MGLL: variants seen among roughly 807,000 people sequenced by gnomAD.
MGLL encodes the protein monoglyceride lipase, also known as lysophospholipase homolog.
In MGLL, 7 loss-of-function variants were observed where a neutral mutation model predicts 29.1. The ratio of observed to expected loss-of-function variants is 0.24; its 90% CI spans 0.14 to 0.45. The LOEUF (loss-of-function observed/expected upper bound fraction) is 0.45. Among genes scored for constraint, MGLL ranks in the 20% least tolerant of loss-of-function variants. The probability of loss-of-function intolerance (pLI) is 0.99; values close to 1 mark genes in which losing one functional copy is unlikely to be tolerated. For synonymous variants in MGLL, 148 were observed against 168.3 expected (o/e 0.88, Z 0.93); for missense variants, 356 against 413.6 (o/e 0.86, Z 1.21).
intron 2 of MGLL, among the ~76,000 whole-genome samples, chr3:127,801,744 T>C (rs960660727): frequency 6.7e-6 from 1 of 149,522 alleles, no homozygotes; most frequent in Non-Finnish European, 1.5e-5. Context: ...AAAATATATA[T>C]GTATATGTTA....
chr3:127,803,763 A>T (rs528982626), intron 2 of MGLL, among the ~76,000 whole-genome samples: 1 of 152,320 alleles, frequency 6.6e-6, no homozygotes, highest in East Asian at 1.9e-4. Context: ...ACAGCATGAA[A>T]TGCCATCACC....
chr3:127,704,654 C>T (rs1203777654), intron 6 of MGLL, among the ~76,000 whole-genome samples: 1 of 152,082 alleles, frequency 6.6e-6, no homozygotes, highest in East Asian at 1.9e-4. Flanking sequence ...TCAACATCAC[C>T]GATCATCAGA....
intron 2 of MGLL, among the ~76,000 whole-genome samples, chr3:127,805,853 G>A (rs1167374859): frequency 6.6e-6 from 1 of 152,242 alleles, no homozygotes; most frequent in Non-Finnish European, 1.5e-5. Flanking sequence ...CAACGTGTCA[G>A]ACAAAGGTTT....
At chr3:127,740,031 A>C (rs546816598) in intron 3 of MGLL, among the ~76,000 whole-genome samples, 1 of 152,276 alleles carries the variant, frequency 6.6e-6, no homozygotes, top group South Asian at 2.1e-4. Flanking sequence ...GGCAGCTCTG[A>C]GTGGGGAAGC....
In MGLL at chr3:127,706,141, G is replaced by A. The variant is rs1015866535; in HGVS notation, c.600+4435C>T. Among the ~76,000 whole-genome samples the A allele has an allele frequency of 8.5e-5, 13 of 152,248 alleles. No individual in the cohort carries two copies. In the East Asian group the frequency reaches 1.2e-3, roughly 14 times the overall value. Reference sequence around the variant, plus strand: ...AGGGTCTGGAGTAGATATCTGCACCGCCACGGGCACAGCAGCGTTATTCAC... The same window carrying A: ...AGGGTCTGGAGTAGATATCTGCACCACCACGGGCACAGCAGCGTTATTCAC... On this transcript the variant is annotated intron_variant, in intron 6 of 7. Transcript: ENST00000265052.
chr3:127,821,232 C>T (rs570591890), intron 2 of MGLL, among the ~76,000 whole-genome samples: 1 of 152,176 alleles, frequency 6.6e-6, no homozygotes, highest in Admixed American at 6.5e-5. Context: ...AAGGAAATAC[C>T]CAGGCCCCTT....
At chr3:127,707,395 C>G (rs766484914) in intron 6 of MGLL, among the ~76,000 whole-genome samples, 1 of 152,218 alleles carries the variant, frequency 6.6e-6, no homozygotes, top group African/African-American at 2.4e-5. Flanking sequence ...TTTAGAATCA[C>G]GTTCAAGGCT....
chr3:127,773,085 C>T (rs2076975937), intron 3 of MGLL, among the ~76,000 whole-genome samples: 1 of 152,240 alleles, frequency 6.6e-6, no homozygotes, highest in Non-Finnish European at 1.5e-5. Context: ...AGCTGGGCTC[C>T]AGCCTGGGCT....
chr3:127,732,871 C>T (rs1263455262), intron 3 of MGLL, among the ~76,000 whole-genome samples: 1 of 152,166 alleles, frequency 6.6e-6, no homozygotes, highest in Non-Finnish European at 1.5e-5. Flanking sequence ...GACACCATGA[C>T]TGGGTCTCAG....
chr3:127,733,392 C>T (rs1011654942), intron 3 of MGLL, among the ~76,000 whole-genome samples: 4 of 152,234 alleles, frequency 2.6e-5, no homozygotes, highest in Non-Finnish European at 5.9e-5. Context: ...TCTTTCATTC[C>T]TCTACTTTCC....
At chr3:127,800,812 T>G (rs916727020) in intron 2 of MGLL, among the ~76,000 whole-genome samples, 1 of 152,228 alleles carries the variant, frequency 6.6e-6, no homozygotes, top group East Asian at 1.9e-4. Flanking sequence ...TCAGAGCATG[T>G]GCTTCACCCC....
At chr3:127,822,212 A>G in intron 1 of MGLL, 97 bp downstream of exon 1, 1 of 1,405,122 alleles carries the variant, frequency 7.1e-7, no homozygotes, top group South Asian at 1.2e-5. Flanking sequence ...CATCTATCTT[A>G]AAATCTCCAA....
At chr3:127,726,185 A>AAAGAAAGAAAGAAAGAAAGAAAG (rs61500053) in intron 3 of MGLL, among the ~76,000 whole-genome samples, 4 of 66,556 alleles carry the variant, frequency 6.0e-5, no homozygotes, top group Admixed American at 4.9e-4. Context: ...AGAAAGAAAG[A>AAAGAAAGAAAGAAAGAAAGAAAG]AAAGAAAAGA....
chr3:127,815,809 G>A (rs1474358766), intron 2 of MGLL, among the ~76,000 whole-genome samples: 2 of 152,336 alleles, frequency 1.3e-5, no homozygotes, highest in East Asian at 3.9e-4. Context: ...CTGCCTCTAG[G>A]TCCTGGCTGC....
intron 2 of MGLL, among the ~76,000 whole-genome samples, chr3:127,803,107 G>A (rs1277747214): frequency 6.6e-6 from 1 of 152,028 alleles, no homozygotes; most frequent in Admixed American, 6.5e-5. Context: ...AGCCTCCTGA[G>A]TAGCTGGGAT....
At position 127,781,851 on chromosome 3, in the gene MGLL, C is replaced by T. The variant is rs1485205623; in HGVS notation, c.200G>A (p.Arg67His). The T allele has an allele frequency of 2.5e-6, 4 of 1,613,974 alleles. No homozygotes were observed. Among genetic ancestry groups the T allele is most frequent in the Non-Finnish European group, 3.4e-6 (4 of 1,180,018 alleles). The part of the protein sequence containing the change: ...VSHGAGEHSG[R>H]YEELARMLMG... ...CAGCATCCGAGCCAGCTCTTCATAG[C>T]GGCCACTGTGCTCTCCGGCTCCATG... Residue 67 changes from arginine to histidine, a missense_variant, in exon 3 of 8, where the codon CGC (arginine) becomes CAC (histidine). Arg to His is a conservative substitution (Grantham distance 29). Transcript: ENST00000265052.
chr3:127,784,358 C>T (rs2077178607), intron 2 of MGLL, among the ~76,000 whole-genome samples: 1 of 152,184 alleles, frequency 6.6e-6, no homozygotes, highest in African/African-American at 2.4e-5. Flanking sequence ...TGGAGAAGCA[C>T]CTGTTCTCAT....
chr3:127,705,343 C>A (rs1463095957), intron 6 of MGLL, among the ~76,000 whole-genome samples: 1 of 151,418 alleles, frequency 6.6e-6, no homozygotes, highest in Non-Finnish European at 1.5e-5. Flanking sequence ...ACCTATGTAA[C>A]AAACCTGCAC....
intron 3 of MGLL, among the ~76,000 whole-genome samples, chr3:127,738,626 A>G (rs1358183738): frequency 6.6e-6 from 1 of 152,182 alleles, no homozygotes; most frequent in Non-Finnish European, 1.5e-5. Flanking sequence ...GAGGTTAGAA[A>G]GGGATTATCT....
Sources: allele counts gnomAD v4.1 joint callset (sites outside exome capture counted in the v4.1 genomes callset), GRCh38; gene constraint gnomAD v4.1.1; transcripts MANE v1.5; gene names NCBI Gene and HGNC (gene_info 2026-07-23, HGNC 2026-07-21).